Variants in LRBA observed in about 807,000 individuals in gnomAD.
LRBA encodes the protein LPS responsive beige-like anchor protein, also known as lipopolysaccharide-responsive and beige-like anchor protein.
LRBA carries 176 observed loss-of-function variants against 330.0 expected under a neutral mutation model. The ratio of observed to expected loss-of-function variants is 0.53; its 90% confidence interval spans 0.47 to 0.60. LRBA has a LOEUF of 0.60. Among genes scored for constraint, LRBA ranks in the 20% least tolerant of loss-of-function variants. The pLI, the probability that LRBA is intolerant of heterozygous loss-of-function variation, is 0.00. For missense variants in LRBA, 3,259 were observed against 3,444.8 expected (o/e 0.95, Z 1.35); for synonymous variants, 1,230 against 1,193.0 (o/e 1.03, Z -0.64).
In LRBA at chr4:150,951,029, T is replaced by C. The variant is rs373297986; in HGVS notation, c.217-21964A>G. ...GTAAACTGAAGGCTTCCAGCAGATA[T>C]GTTCCCTGCCATGTGGACAGAGGAG... On this transcript the variant is annotated intron_variant, in intron 2 of 56. Coordinates refer to ENST00000651943, the MANE Select transcript of LRBA (RefSeq NM_001364905.1). 1.2e-3 allele frequency among the ~76,000 whole-genome samples: 182 copies of C among 152,304 alleles called. 3 individuals carry two copies. The highest frequency in any genetic ancestry group is 4.3e-3 in the African/African-American group (177 of 41,564).
intron 35 of LRBA, among the ~76,000 whole-genome samples, chr4:150,760,937 T>G (rs889449607): frequency 2.0e-5 from 3 of 152,302 alleles, no homozygotes; most frequent in East Asian, 1.9e-4. Flanking sequence ...TTATGAGAGA[T>G]AGAGAGCAAA....
At chr4:150,437,077 A>G (rs79290129) in intron 44 of LRBA, among the ~76,000 whole-genome samples, 5,238 of 152,242 alleles carry the variant, frequency 0.034, 175 homozygotes, top group Non-Finnish European at 0.046. Context: ...GGATGAACCC[A>G]TCATTTCTCC....
At chr4:150,828,762 GTATTC>G in intron 29 of LRBA, 141 bp from the exon 30 acceptor site, 1 of 670,846 alleles carries the variant, frequency 1.5e-6, no homozygotes, top group South Asian at 1.9e-5. Context: ...AACTAATTAC[GTATTC>G]TACAGAATGT....
At chr4:150,399,829 G>C (rs1222348268) in intron 47 of LRBA, among the ~76,000 whole-genome samples, 1 of 152,154 alleles carries the variant, frequency 6.6e-6, no homozygotes, top group Non-Finnish European at 1.5e-5. Flanking sequence ...AAAATTAGCA[G>C]CTGAGTGTGG....
intron 40 of LRBA, among the ~76,000 whole-genome samples, chr4:150,560,753 G>A (rs1470055571): frequency 1.3e-5 from 2 of 152,130 alleles, no homozygotes; most frequent in Admixed American, 6.5e-5. Context: ...TTGAGAGGCC[G>A]AGGCGGGCAG....
intron 2 of LRBA, among the ~76,000 whole-genome samples, chr4:151,004,860 C>A (rs1172506200): frequency 6.6e-6 from 1 of 151,972 alleles, no homozygotes; most frequent in East Asian, 1.9e-4. Context: ...GCGGCATGAG[C>A]CTTGTAATCC....
At chr4:150,365,297 G>A (rs1739303213) in intron 47 of LRBA, among the ~76,000 whole-genome samples, 1 of 152,066 alleles carries the variant, frequency 6.6e-6, no homozygotes, top group African/African-American at 2.4e-5. Context: ...GTGAGCAACT[G>A]CACCCGGCCT....
intron 35 of LRBA, among the ~76,000 whole-genome samples, chr4:150,738,649 T>C (rs1731539902): frequency 6.6e-6 from 1 of 152,168 alleles, no homozygotes; most frequent in Non-Finnish European, 1.5e-5. Flanking sequence ...AACCACAGCA[T>C]ACAAGGCAAG....
chr4:150,849,048 AT>A, intron 25 of LRBA, 50 bp from the exon 26 acceptor site: 1 of 1,285,120 alleles, frequency 7.8e-7, no homozygotes. Context: ...TGAAAAAAAA[AT>A]TTTACCAGAT....
At chr4:150,608,415 A>T (rs1286708656) in intron 37 of LRBA, among the ~76,000 whole-genome samples, 1 of 152,224 alleles carries the variant, frequency 6.6e-6, no homozygotes, top group African/African-American at 2.4e-5. Flanking sequence ...GGGAAGTAAC[A>T]GTGCCTTACA....
intron 22 of LRBA, among the ~76,000 whole-genome samples, chr4:150,853,210 G>A (rs902803706): frequency 1.8e-4 from 27 of 152,112 alleles, no homozygotes; most frequent in African/African-American, 6.3e-4. Flanking sequence ...TATTAAACAT[G>A]TATAGGAAAA....
intron 47 of LRBA, among the ~76,000 whole-genome samples, chr4:150,373,040 GC>G (rs1740636454): frequency 6.6e-6 from 1 of 151,828 alleles, no homozygotes; most frequent in African/African-American, 2.4e-5. Flanking sequence ...TGTCAACAAT[GC>G]GAGACATTTT....
chr4:150,453,248 A>C (rs1308927438), intron 44 of LRBA, among the ~76,000 whole-genome samples: 3 of 152,182 alleles, frequency 2.0e-5, no homozygotes, highest in Non-Finnish European at 4.4e-5. Context: ...ATAAAGCTGG[A>C]GGATTCACAT....
At chr4:150,886,922 T>C (rs919198172) in intron 17 of LRBA, among the ~76,000 whole-genome samples, 1 of 152,184 alleles carries the variant, frequency 6.6e-6, no homozygotes, top group African/African-American at 2.4e-5. Context: ...ACAAAGACTT[T>C]AAAGGAGATA....
At chr4:150,429,420 G>A (rs112699369) in intron 46 of LRBA, among the ~76,000 whole-genome samples, 49 of 152,140 alleles carry the variant, frequency 3.2e-4, no homozygotes, top group African/African-American at 1.2e-3. Context: ...GATGTAATAG[G>A]ATTTTGGAAA....
At chr4:150,984,858 TA>T (rs1554013870) in intron 2 of LRBA, among the ~76,000 whole-genome samples, 2 of 151,996 alleles carry the variant, frequency 1.3e-5, no homozygotes, top group African/African-American at 2.4e-5. Context: ...AGTGATGGCT[TA>T]AAAAAAACAT....
At chr4:150,317,592 A>G (rs1580994723) in intron 50 of LRBA, among the ~76,000 whole-genome samples, 1 of 152,180 alleles carries the variant, frequency 6.6e-6, no homozygotes. Context: ...GGAAAAATGC[A>G]CTACAGCCTC....
rs1751169644 is a variant in LRBA, at chr4:150,436,815, T to C, written c.6830A>G (p.Tyr2277Cys). 1 of 1,613,844 alleles carries C rather than the reference T, an allele frequency of 6.2e-7. No homozygotes were observed. The highest frequency in any genetic ancestry group is 8.5e-7 in the Non-Finnish European group (1 of 1,179,866). The change falls in exon 45 of 57, where the codon TAT becomes TGT. Residue 2277 changes from tyrosine (Y) to cysteine (C), a missense_variant. By Grantham distance (194) the Tyr-to-Cys change is radical (BLOSUM62 -2). Coordinates refer to ENST00000651943, the MANE Select transcript of LRBA (RefSeq NM_001364905.1). Reference sequence around the variant, plus strand: ...AACTTGATCATCTTCCCATGATTCATAACGCTCAGCGAAGAATGCTGCTCT... The same window carrying C: ...AACTTGATCATCTTCCCATGATTCACAACGCTCAGCGAAGAATGCTGCTCT... ...PKRAAFFAER[Y>C]ESWEDDQVPK... is the part of the protein sequence containing the mutation.
intron 34 of LRBA, among the ~76,000 whole-genome samples, chr4:150,787,940 C>T (rs1739316414): frequency 6.6e-6 from 1 of 152,170 alleles, no homozygotes; most frequent in Admixed American, 6.5e-5. Flanking sequence ...GATTTCCTTT[C>T]TTTTGGATAT....
Sources: gnomAD v4.1 joint callset for allele counts (sites outside exome capture counted in the v4.1 genomes callset) on GRCh38, gnomAD v4.1.1 for gene constraint, MANE v1.5 for transcripts, NCBI Gene and HGNC (gene_info 2026-07-23, HGNC 2026-07-21) for gene names.